ZNF281: variants seen among roughly 807,000 people sequenced by gnomAD.
The protein encoded by ZNF281 is zinc finger protein 281.
ZNF281 carries 2 observed loss-of-function variants against 58.8 expected under a neutral mutation model. That is an observed-to-expected ratio of 0.03 (90% CI 0.01 to 0.11). The LOEUF (loss-of-function observed/expected upper bound fraction) is 0.11. ZNF281 is among the 10% of genes least tolerant of loss of function. The probability of loss-of-function intolerance (pLI) is 1.00; values close to 1 mark genes in which losing one functional copy is unlikely to be tolerated. For synonymous variants in ZNF281, 465 were observed against 407.7 expected (o/e 1.14, Z -1.69); for missense variants, 975 against 1,090.7 (o/e 0.89, Z 1.49).
Position 200,406,757 on chromosome 1 carries a change from G to T in ZNF281, c.*261C>A. ...GTTTAAAACATTTGGGCTATTCCCTGACGATCTATACATGTAAATTTGATT... is the reference window on the plus strand; with the variant it reads ...GTTTAAAACATTTGGGCTATTCCCTTACGATCTATACATGTAAATTTGATT... On this transcript the variant is annotated 3_prime_UTR_variant, in exon 2 of 2. Transcript: ENST00000367353. 1 of 278,610 alleles carries T rather than the reference G, an allele frequency of 3.6e-6. No individual in the cohort carries two copies. Among genetic ancestry groups the T allele is most frequent in the Non-Finnish European group, 6.5e-6 (1 of 154,680 alleles). 17.3% of individuals were successfully genotyped at this position (278,610 alleles called of 1,614,324 possible).
chr1:200,408,500 T>A lies in ZNF281; in HGVS notation c.1206A>T (p.Ser402=). 3 of 1,614,234 alleles carry A rather than the reference T, an allele frequency of 1.9e-6. No homozygotes were observed. The highest frequency in any genetic ancestry group is 2.5e-6 in the Non-Finnish European group (3 of 1,180,040). ...AVLSQGNTSS[S]RRKTKSKSIA... Reference sequence around the variant, plus strand: ...TGCTTTTTGACTTTGTTTTTCTCCTTGAAGAACTTGTATTTCCCTGAGACA... The same window carrying A: ...TGCTTTTTGACTTTGTTTTTCTCCTAGAAGAACTTGTATTTCCCTGAGACA... Residue 402 remains serine, a synonymous_variant, in exon 2 of 2, where the codon TCA becomes TCT. Transcript: ENST00000367353.
rs1331319529 is a variant in ZNF281, at chr1:200,406,348, C to T, written c.*670G>A. 6.6e-6 allele frequency: 1 copy of T among 151,996 alleles called. No individual in the cohort carries two copies. Among genetic ancestry groups the T allele is most frequent in the East Asian group, 1.9e-4 (1 of 5,184 alleles). The allele number at this position is 151,996 out of a possible 1,614,324, so 9.4% of individuals were successfully genotyped here. ...GATCAAAGATCCAAGAATATTTGTTCTACCAGGCTGGAATGAATGTGGTTT... is the reference window on the plus strand; with the variant it reads ...GATCAAAGATCCAAGAATATTTGTTTTACCAGGCTGGAATGAATGTGGTTT... On this transcript the variant is annotated 3_prime_UTR_variant, in exon 2 of 2. Transcript: ENST00000367353.
chr1:200,408,232 G>C lies in ZNF281; in HGVS notation c.1474C>G (p.Gln492Glu). The stretch of plus-strand genomic sequence containing the variant: ...CTTGGTTTTCCAGACAAGGATTTCT[G>C]TCCTACTATGTCTGGTAATGGTGAC... Reference protein sequence around the residue: ...FVSPLPDIVGQKSLSGKPSGS... With the variant: ...FVSPLPDIVGEKSLSGKPSGS... Residue 492 changes from glutamine (Q) to glutamate (E), a missense_variant, in exon 2 of 2, where the codon CAG (glutamine) becomes GAG (glutamate). Gln to Glu is a conservative substitution (Grantham distance 29). Transcript: ENST00000367353. 6.2e-7 allele frequency: 1 copy of C among 1,612,160 alleles called. No individual in the cohort carries two copies. Among genetic ancestry groups the C allele is most frequent in the Non-Finnish European group, 8.5e-7 (1 of 1,180,002 alleles).
Position 200,406,896 on chromosome 1 carries a change from G to A in ZNF281, c.*122C>T. 3.4e-6 allele frequency: 3 copies of A among 871,290 alleles called. No homozygotes were observed. Among genetic ancestry groups the A allele is most frequent in the South Asian group, 4.5e-5 (2 of 44,046 alleles). The allele number at this position is 871,290 out of a possible 1,614,324, so 54.0% of individuals were successfully genotyped here. A position where few individuals can be genotyped will look rare whatever the true frequency, so the allele number is the denominator to read the frequency against. ...TAACAAAATAAACTAAATATGAAAA[G>A]TTGCATTGAAAGGGCATCACATTAT... is the stretch of plus-strand genomic sequence containing the variant. On this transcript the variant is annotated 3_prime_UTR_variant, in exon 2 of 2. Transcript: ENST00000367353.
Position 200,409,268 on chromosome 1 carries a change from G to GTGGTGA in ZNF281, c.432_437dup (p.His147_His148dup). 6.2e-7 allele frequency: 1 copy of GTGGTGA among 1,613,340 alleles called. No individual in the cohort carries two copies. The highest frequency in any genetic ancestry group is 2.2e-5 in the East Asian group (1 of 44,874). On this transcript the variant is annotated inframe_insertion, in exon 2 of 2. Transcript: ENST00000367353. ...CAGCGAACAGCCCCCCATAGTGGTG[G>GTGGTGA]TGGTGATGGTGGTGGTGGGACTGCT...
rs1437058317 is a variant in ZNF281, at chr1:200,409,606, C to A, written c.100G>T (p.Gly34Cys). The A allele has an allele frequency of 1.3e-6, 2 of 1,540,864 alleles. No homozygotes were observed. The highest frequency in any genetic ancestry group is 4.0e-5 in the Admixed American group (2 of 50,590). Residue 34 changes from glycine (G) to cysteine (C), a missense_variant, in exon 2 of 2, where the codon GGC becomes TGC. Gly to Cys is a radical substitution (Grantham distance 159, BLOSUM62 -3). Around this residue, in one of 3 missense-constraint regions of ZNF281, gnomAD observed 370 missense variants for 360.9 expected, o/e 1.03. Transcript: ENST00000367353. The stretch of plus-strand genomic sequence containing the variant: ...ATCTCTGCCCTCCTGCCGCTGCTGC[C>A]GCCGCCGCCGCCGCCGCCACTACCA... Reference protein sequence around the residue: ...GGGSGGGGGGGSSGRRAEMEP... With the variant: ...GGGSGGGGGGCSSGRRAEMEP...
rs1244960173 is a variant in ZNF281 at position 200,405,707 on chromosome 1, A to G, written c.*1311T>C. ...AATGCACCCTTTCATTAAAATGTACATTAAAGGCCGCAATTTCACAAAGAG... is the reference window on the plus strand; with the variant it reads ...AATGCACCCTTTCATTAAAATGTACGTTAAAGGCCGCAATTTCACAAAGAG... On this transcript the variant is annotated 3_prime_UTR_variant, in exon 2 of 2. Transcript: ENST00000367353. 6.6e-6 allele frequency: 1 copy of G among 152,240 alleles called. No homozygotes were observed. The highest frequency in any genetic ancestry group is 2.4e-5 in the African/African-American group (1 of 41,464). 9.4% of individuals were successfully genotyped at this position (152,240 alleles called of 1,614,324 possible). A position where few individuals can be genotyped will look rare whatever the true frequency, so the allele number is the denominator to read the frequency against.
rs1162915915 is a variant in ZNF281, at chr1:200,409,011, T to A, written c.695A>T (p.Lys232Ile). Residue 232 changes from lysine to isoleucine, a missense_variant, in exon 2 of 2, where the codon AAA becomes ATA. Lys to Ile is a moderately radical substitution (Grantham distance 102). Around this residue, in one of 3 missense-constraint regions of ZNF281, gnomAD observed 370 missense variants for 360.9 expected, o/e 1.03. Transcript: ENST00000367353. ...KRPKPESQGI[K>I]AKRKPSASSK... Reference sequence around the variant, plus strand: ...AGATGCACTTGGCTTCCTCTTGGCTTTGATTCCCTGAGATTCTGGCTTTGG... The same window carrying A: ...AGATGCACTTGGCTTCCTCTTGGCTATGATTCCCTGAGATTCTGGCTTTGG... 1 of 1,614,248 alleles carries A rather than the reference T, an allele frequency of 6.2e-7. No homozygotes were observed.
In ZNF281 at chr1:200,408,936, C is replaced by T. The variant is rs1376769075; in HGVS notation, c.770G>A (p.Ser257Asn). The stretch of plus-strand genomic sequence containing the variant: ...GTGATCACAGATATGAGGTTTCTGA[C>T]TTGGGGAGAGGATGGCACCTTCTCC... ...GDGEGAILSP[S>N]QKPHICDHCS... The change falls in exon 2 of 2, where the codon AGT (serine) becomes AAT (asparagine). Residue 257 changes from serine (S) to asparagine (N), a missense_variant. Ser to Asn is a conservative substitution (Grantham distance 46). This residue lies in a region of ZNF281 where 370 missense variants were observed against 360.9 expected (regional missense o/e 1.03). Transcript: ENST00000367353. The T allele has an allele frequency of 6.2e-7, 1 of 1,614,234 alleles. No homozygotes were observed.
At position 200,408,360 on chromosome 1, in the gene ZNF281, C is replaced by T. The variant is rs1457082262; in HGVS notation, c.1346G>A (p.Gly449Asp). Residue 449 changes from glycine to aspartate, a missense_variant, in exon 2 of 2, where the codon GGC becomes GAC. Gly to Asp is a moderately conservative substitution (Grantham distance 94). Transcript: ENST00000367353. ...TTCATCTATTCCAGTGCCAATTATGCCTCCACTGGAAGACACGGTAGGCAT... is the reference window on the plus strand; with the variant it reads ...TTCATCTATTCCAGTGCCAATTATGTCTCCACTGGAAGACACGGTAGGCAT... ...VEMPTVSSSG[G>D]IIGTGIDELQ... The T allele has an allele frequency of 6.2e-7, 1 of 1,614,000 alleles. No individual in the cohort carries two copies. The highest frequency in any genetic ancestry group is 1.7e-5 in the Admixed American group (1 of 60,028).
At position 200,406,032 on chromosome 1, in the gene ZNF281, A is replaced by G. The variant is rs767583788; in HGVS notation, c.*986T>C. 6.6e-6 allele frequency: 1 copy of G among 152,112 alleles called. No homozygotes were observed. The highest frequency in any genetic ancestry group is 1.5e-5 in the Non-Finnish European group (1 of 67,996). The allele number at this position is 152,112 out of a possible 1,614,324, so 9.4% of individuals were successfully genotyped here. A position where few individuals can be genotyped will look rare whatever the true frequency, so the allele number is the denominator to read the frequency against. The stretch of plus-strand genomic sequence containing the variant: ...GAAAAGGAAGGCCCAAGAACTCTTA[A>G]AGAGAGGCTGAGAACAAGAACAAAA... On this transcript the variant is annotated 3_prime_UTR_variant, in exon 2 of 2. Transcript: ENST00000367353.
chr1:200,408,820 T>C lies in ZNF281; in HGVS notation c.886A>G (p.Met296Val). 1.2e-6 allele frequency: 2 copies of C among 1,614,204 alleles called. No homozygotes were observed. The highest frequency in any genetic ancestry group is 1.7e-6 in the Non-Finnish European group (2 of 1,180,034). The change falls in exon 2 of 2, where the codon ATG becomes GTG. Residue 296 changes from methionine to valine, a missense_variant. By Grantham distance (21) the Met-to-Val change is conservative (BLOSUM62 1). This residue lies in a region of ZNF281 where 26 missense variants were observed against 121.0 expected (regional missense o/e 0.21). Coordinates refer to ENST00000367353, the MANE Select transcript of ZNF281 (RefSeq NM_001281293.2). Reference protein sequence around the residue: ...ERPFQCSQCSMGFIQKYLLQR... With the variant: ...ERPFQCSQCSVGFIQKYLLQR... The stretch of plus-strand genomic sequence containing the variant: ...AGTAGGTATTTCTGAATGAAACCCA[T>C]ACTACACTGGCTGCACTGGAAAGGT...
At position 200,407,781 on chromosome 1, in the gene ZNF281, G is replaced by A; in HGVS notation, c.1925C>T (p.Ser642Leu). The change falls in exon 2 of 2, where the codon TCA becomes TTA. Residue 642 changes from serine (S) to leucine (L), a missense_variant. Ser to Leu is a moderately radical substitution (Grantham distance 145). Around this residue, in one of 3 missense-constraint regions of ZNF281, gnomAD observed 579 missense variants for 608.9 expected, o/e 0.95. Coordinates refer to ENST00000367353, the MANE Select transcript of ZNF281 (RefSeq NM_001281293.2). ...RVDLHTSGEH[S>L]ELVQEENLSP... ...CAAATTTTCTTCTTGAACCAATTCT[G>A]AGTGTTCTCCTGAGGTGTGTAAATC... The A allele has an allele frequency of 6.2e-7, 1 of 1,614,148 alleles. No individual in the cohort carries two copies. The highest frequency in any genetic ancestry group is 8.5e-7 in the Non-Finnish European group (1 of 1,180,028).
rs772997705 is a variant in ZNF281, at chr1:200,410,003, T to C, written c.-76A>G. 144 of 556,860 alleles carry C rather than the reference T, an allele frequency of 2.6e-4. 1 individual carries two copies. Among genetic ancestry groups the C allele is most frequent in the South Asian group, 1.3e-3 (61 of 47,604 alleles). 34.5% of individuals were successfully genotyped at this position (556,860 alleles called of 1,614,324 possible). A position where few individuals can be genotyped will look rare whatever the true frequency, so the allele number is the denominator to read the frequency against. ...CCAGTTAATAAAAATAACGCCGTCC[T>C]CTCCACAATGGAATTAAAAGCCTCC... On this transcript the variant is annotated 5_prime_UTR_variant, in exon 1 of 2. Transcript: ENST00000367353.
In ZNF281 at chr1:200,408,183, T is replaced by C; in HGVS notation, c.1523A>G (p.Asn508Ser). The C allele has an allele frequency of 6.2e-7, 1 of 1,613,920 alleles. No homozygotes were observed. Among genetic ancestry groups the C allele is most frequent in the Non-Finnish European group, 8.5e-7 (1 of 1,180,040 alleles). The change falls in exon 2 of 2, where the codon AAT becomes AGT. Residue 508 changes from asparagine (N) to serine (S), a missense_variant. Coordinates refer to ENST00000367353, the MANE Select transcript of ZNF281 (RefSeq NM_001281293.2). Reference protein sequence around the residue: ...KPSGSLGIVSNNSVETIGLLQ... With the variant: ...KPSGSLGIVSSNSVETIGLLQ... Reference sequence around the variant, plus strand: ...AAGACCAATGGTCTCCACACTATTATTTGATACTATGCCAAGTGAGCCACT... The same window carrying C: ...AAGACCAATGGTCTCCACACTATTACTTGATACTATGCCAAGTGAGCCACT...
rs1270103579 is a variant in ZNF281 at position 200,407,550 on chromosome 1, C to T, written c.2156G>A (p.Gly719Asp). The change falls in exon 2 of 2, where the codon GGT becomes GAT. Residue 719 changes from glycine (G) to aspartate (D), a missense_variant. Coordinates refer to ENST00000367353, the MANE Select transcript of ZNF281 (RefSeq NM_001281293.2). ...CACTGAGGTAACAGATTGGCCGAAA[C>T]CACACTCCAAAGGAGACGTAGTGTA... ...QIYTTSPLEC[G>D]FGQSVTSVLP... is the part of the protein sequence containing the mutation. The T allele has an allele frequency of 2.5e-6, 4 of 1,614,084 alleles. No individual in the cohort carries two copies. Among genetic ancestry groups the T allele is most frequent in the Non-Finnish European group, 3.4e-6 (4 of 1,180,040 alleles).
chr1:200,408,712 T>C lies in ZNF281; in HGVS notation c.994A>G (p.Met332Val). The change falls in exon 2 of 2, where the codon ATG becomes GTG. Residue 332 changes from methionine to valine, a missense_variant. By Grantham distance (21) the Met-to-Val change is conservative (BLOSUM62 1). Coordinates refer to ENST00000367353, the MANE Select transcript of ZNF281 (RefSeq NM_001281293.2). ...CSMKFIQKYHMERHKRTHSGE... is the reference protein window; with the variant it reads ...CSMKFIQKYHVERHKRTHSGE... Reference sequence around the variant, plus strand: ...CTATGTGTCCTCTTGTGTCTCTCCATATGGTACTTCTGAATAAACTTCATG... The same window carrying C: ...CTATGTGTCCTCTTGTGTCTCTCCACATGGTACTTCTGAATAAACTTCATG... 6.2e-7 allele frequency: 1 copy of C among 1,614,164 alleles called. No individual in the cohort carries two copies. Among genetic ancestry groups the C allele is most frequent in the South Asian group, 1.1e-5 (1 of 91,090 alleles).
Position 200,407,273 on chromosome 1 carries a change from A to G in ZNF281, c.2433T>C (p.Ala811=), listed in dbSNP as rs1262296325. ...TGFQIPSQEL[A]SQIDPQKDIE... ...TGTCTTTCTGAGGATCTATCTGGCTAGCTAACTCCTGAGATGGAATCTGAA... is the reference window on the plus strand; with the variant it reads ...TGTCTTTCTGAGGATCTATCTGGCTGGCTAACTCCTGAGATGGAATCTGAA... Residue 811 remains alanine, a synonymous_variant, in exon 2 of 2, where the codon GCT becomes GCC. Coordinates refer to ENST00000367353, the MANE Select transcript of ZNF281 (RefSeq NM_001281293.2). 1.2e-6 allele frequency: 2 copies of G among 1,614,212 alleles called. No individual in the cohort carries two copies. The highest frequency in any genetic ancestry group is 1.7e-6 in the Non-Finnish European group (2 of 1,180,032).
Position 200,406,983 on chromosome 1 carries a change from A to G in ZNF281, c.*35T>C. The G allele has an allele frequency of 5.8e-6, 9 of 1,549,872 alleles. No homozygotes were observed. Among genetic ancestry groups the G allele is most frequent in the Non-Finnish European group, 7.8e-6 (9 of 1,154,506 alleles). On this transcript the variant is annotated 3_prime_UTR_variant, in exon 2 of 2. Transcript: ENST00000367353. ...TGTTCTCAAAATAAAACAAAATTAC[A>G]TTAGAAGACCTCCAGCCTGGCCACT...
Sources: allele counts gnomAD v4.1 joint callset, GRCh38; gene constraint gnomAD v4.1.1; regional missense constraint gnomAD v4.1.1; transcripts MANE v1.5; gene names NCBI Gene and HGNC (gene_info 2026-07-23, HGNC 2026-07-21).